PRDX3: variants seen among roughly 807,000 people sequenced by gnomAD.
The protein encoded by PRDX3 is thioredoxin-dependent peroxide reductase, mitochondrial.
In PRDX3, 20 loss-of-function variants were observed where a neutral mutation model predicts 30.4. The ratio of observed to expected loss-of-function variants is 0.66; its 90% CI spans 0.46 to 0.96. The LOEUF is 0.96. Among genes scored for constraint, PRDX3 ranks in the 40% least tolerant of loss-of-function variants. PRDX3 has a pLI of 0.00. For missense variants in PRDX3, 322 were observed against 318.3 expected (o/e 1.01, Z -0.09); for synonymous variants, 124 against 117.8 (o/e 1.05, Z -0.34).
chr10:119,168,619 C>T (rs1412764913), intron 6 of PRDX3, 86 bp from the exon 7 acceptor site: 2 of 1,557,588 alleles, frequency 1.3e-6, no homozygotes, highest in East Asian at 4.6e-5. Context: ...CAATTTTTAA[C>T]CTAAAGTTCT....
chr10:119,173,700 G>C (rs751391442), intron 4 of PRDX3, 37 bp downstream of exon 4: 2 of 1,599,408 alleles, frequency 1.3e-6, no homozygotes, highest in Non-Finnish European at 8.5e-7. Context: ...TTCCAAGCAA[G>C]TTTATAAGAG....
chr10:119,176,971 G>A, intron 2 of PRDX3, 50 bp downstream of exon 2: 4 of 1,610,922 alleles, frequency 2.5e-6, no homozygotes, highest in Non-Finnish European at 3.4e-6. Flanking sequence ...AGAGACGATG[G>A]TTCATTTTTC....
chr10:119,174,582 G>A lies in PRDX3; in HGVS notation c.180C>T (p.Cys60=). Residue 60 remains cysteine (C), a synonymous_variant, in exon 3 of 7, where the codon TGC becomes TGT. Coordinates refer to ENST00000298510, the MANE Select transcript of PRDX3 (RefSeq NM_006793.5). ...CATGCTGGGTGACAGCAGGTGCATG[G>A]CATGAGGAACCTGAAAAAAAACCCA... ...QAKLFSTSSS[C]HAPAVTQHAP... is the part of the protein sequence containing the mutation. The A allele has an allele frequency of 6.3e-7, 1 of 1,588,600 alleles. No homozygotes were observed. Among genetic ancestry groups the A allele is most frequent in the Middle Eastern group, 1.7e-4 (1 of 5,932 alleles).
rs1207090101 is a variant in PRDX3 at position 119,178,691 on chromosome 10, C to G, written c.36+64G>C. 5 of 1,540,306 alleles carry G rather than the reference C, an allele frequency of 3.2e-6. No homozygotes were observed. In the South Asian group the frequency reaches 3.6e-5, roughly 11 times the overall value. Reference sequence around the variant, plus strand: ...CATGCCCAGAAGCGCGGGGTCCTGTCTGAGAAGCACGTTCCCGGAGCCACC... The same window carrying G: ...CATGCCCAGAAGCGCGGGGTCCTGTGTGAGAAGCACGTTCCCGGAGCCACC... On this transcript the variant is annotated intron_variant, in intron 1 of 6. Transcript: ENST00000298510.
chr10:119,168,427 T>C lies in PRDX3; in HGVS notation c.*53A>G. 1 of 1,609,138 alleles carries C rather than the reference T, an allele frequency of 6.2e-7. No individual in the cohort carries two copies. The highest frequency in any genetic ancestry group is 8.5e-7 in the Non-Finnish European group (1 of 1,179,104). On this transcript the variant is annotated 3_prime_UTR_variant, in exon 7 of 7. Coordinates refer to ENST00000298510, the MANE Select transcript of PRDX3 (RefSeq NM_006793.5). ...CCATCTTGAAAATGATAAAAGCAGG[T>C]TTCAACTGTGGTTCTTCTCTCAGTT...
chr10:119,170,466 A>G (rs904861882), intron 5 of PRDX3: 2 of 152,134 alleles, frequency 1.3e-5, no homozygotes, highest in African/African-American at 4.8e-5. Flanking sequence ...ACGGGTACAG[A>G]GGTAACTGCA....
At chr10:119,174,387 T>C (rs1215584046) in intron 3 of PRDX3, 64 bp downstream of exon 3, 9 of 1,508,572 alleles carry the variant, frequency 6.0e-6, no homozygotes, top group Non-Finnish European at 8.0e-6. Context: ...GACAATTCAG[T>C]GTGGGAACAG....
chr10:119,177,167 CTTT>C lies in PRDX3; in HGVS notation c.37-17_37-15del, dbSNP rs751741129. The C allele has an allele frequency of 5.0e-6, 8 of 1,612,010 alleles. No individual in the cohort carries two copies. The highest frequency in any genetic ancestry group is 1.3e-5 in the African/African-American group (1 of 74,868). ...ATGTCGGGCAACCTGGAAAGAGAAA[CTTT>C]TTATTAGAAAGTTTTCCTGGACTGG... On this transcript the variant is annotated splice_polypyrimidine_tract_variant and intron_variant, in intron 1 of 6. Transcript: ENST00000298510.
intron 4 of PRDX3, among the ~76,000 whole-genome samples, chr10:119,173,001 C>T (rs149342166): frequency 4.6e-5 from 7 of 152,022 alleles, no homozygotes; most frequent in African/African-American, 9.6e-5. Context: ...TGCAGTGGTG[C>T]GATCTTGGCT....
chr10:119,169,368 T>A (rs1847852267), intron 5 of PRDX3, 26 bp from the exon 6 acceptor site: 1 of 1,602,104 alleles, frequency 6.2e-7, no homozygotes, highest in Non-Finnish European at 8.5e-7. Flanking sequence ...TCCTCATCAG[T>A]GCCTCAACAG....
At chr10:119,172,521 G>A in intron 4 of PRDX3, 36 bp from the exon 5 acceptor site, 1 of 1,533,358 alleles carries the variant, frequency 6.5e-7, no homozygotes, top group Non-Finnish European at 9.0e-7. Flanking sequence ...TAGAATGTGT[G>A]GCCTCACAAC....
In PRDX3 at chr10:119,173,827, A is replaced by T; in HGVS notation, c.357T>A (p.Ala119=). The change falls in exon 4 of 7, where the codon GCT becomes GCA. Residue 119 remains alanine, a synonymous_variant. Coordinates refer to ENST00000298510, the MANE Select transcript of PRDX3 (RefSeq NM_006793.5). ...PTEIVAFSDK[A]NEFHDVNCEV... is the part of the protein sequence containing the mutation. ...CACAGTTCACGTCGTGAAATTCGTT[A>T]GCTTTGTCACTAAAAGCAACAATTT... 2.5e-6 allele frequency: 4 copies of T among 1,612,110 alleles called. No homozygotes were observed. The highest frequency in any genetic ancestry group is 1.7e-6 in the Non-Finnish European group (2 of 1,178,540).
intron 2 of PRDX3, 106 bp from the exon 3 acceptor site, chr10:119,174,698 A>G: frequency 8.8e-7 from 1 of 1,135,486 alleles, no homozygotes; most frequent in South Asian, 2.0e-5. Context: ...AGTGCTTAGT[A>G]TAAATCAAAA....
At position 119,172,114 on chromosome 10, in the gene PRDX3, GGATT is replaced by G. The variant is rs35166020; in HGVS notation, c.551+264_551+267del. On this transcript the variant is annotated intron_variant, in intron 5 of 6. Transcript: ENST00000298510. ...AGTGTTTATTAAAGACTAAAATTAAGGATTGATTATTATAAATTTTAATTCTTTT... is the reference window on the plus strand; with the variant it reads ...AGTGTTTATTAAAGACTAAAATTAAGGATTATTATAAATTTTAATTCTTTT... 7.4e-3 allele frequency among the ~76,000 whole-genome samples: 1,133 copies of G among 152,260 alleles called. 25 individuals carry two copies. The highest frequency in any genetic ancestry group is 0.026 in the African/African-American group (1,078 of 41,526).
At chr10:119,173,626 A>C in intron 4 of PRDX3, 111 bp downstream of exon 4, 1 of 1,363,908 alleles carries the variant, frequency 7.3e-7, no homozygotes, top group Non-Finnish European at 1.0e-6. Flanking sequence ...AAAAAAAAAA[A>C]AAAACCCAAC....
chr10:119,177,010 A>C lies in PRDX3; in HGVS notation c.169+11T>G. ...TACCTGGCTCCAGCCAAGACATGAC[A>C]TAACACTTACTGGTGCTGAATAATT... On this transcript the variant is annotated intron_variant, in intron 2 of 6. Coordinates refer to ENST00000298510, the MANE Select transcript of PRDX3 (RefSeq NM_006793.5). The C allele has an allele frequency of 6.2e-7, 1 of 1,614,014 alleles. No individual in the cohort carries two copies. Among genetic ancestry groups the C allele is most frequent in the Non-Finnish European group, 8.5e-7 (1 of 1,179,918 alleles).
In PRDX3 at chr10:119,172,374, G is replaced by A; in HGVS notation, c.551+8C>T. The A allele has an allele frequency of 6.3e-7, 1 of 1,587,438 alleles. No individual in the cohort carries two copies. Among genetic ancestry groups the A allele is most frequent in the African/African-American group, 1.3e-5 (1 of 74,458 alleles). On this transcript the variant is annotated splice_region_variant and intron_variant, in intron 5 of 6. Transcript: ENST00000298510. ...ATAATCTTAAGTTCATCAGAAACAGGATCTTACCTTAGTGCAAGACCAGAA... is the reference window on the plus strand; with the variant it reads ...ATAATCTTAAGTTCATCAGAAACAGAATCTTACCTTAGTGCAAGACCAGAA...
intron 1 of PRDX3, 145 bp downstream of exon 1, chr10:119,178,610 G>C (rs1200759167): frequency 8.7e-6 from 9 of 1,029,580 alleles, no homozygotes; most frequent in Non-Finnish European, 1.3e-5. Context: ...CCTTCCCGGA[G>C]GGAGGCCTCT....
intron 3 of PRDX3, among the ~76,000 whole-genome samples, chr10:119,174,208 G>C (rs1847974972): frequency 6.6e-6 from 1 of 152,104 alleles, no homozygotes; most frequent in Non-Finnish European, 1.5e-5. Flanking sequence ...GACTGGCTTA[G>C]GGAAGCAGTG....
Sources: allele counts gnomAD v4.1 joint callset (sites outside exome capture counted in the v4.1 genomes callset), GRCh38; gene constraint gnomAD v4.1.1; transcripts MANE v1.5; gene names NCBI Gene and HGNC (gene_info 2026-07-23, HGNC 2026-07-21).